The following PCGF5 variants were observed in gnomAD, a reference collection of about 807,000 sequenced individuals.
PCGF5 encodes polycomb group ring finger 5.
PCGF5 carries 9 observed loss-of-function variants against 44.3 expected under a neutral mutation model. That is an observed-to-expected ratio of 0.20 (90% CI 0.12 to 0.35). The LOEUF is 0.35. Among genes scored for constraint, PCGF5 ranks in the 10% least tolerant of loss-of-function variants. The pLI, the probability that PCGF5 is intolerant of heterozygous loss-of-function variation, is 1.00. For synonymous variants in PCGF5, 95 were observed against 102.5 expected, an observed-to-expected ratio of 0.93 and a Z score of 0.44; for missense variants, 146 against 305.3, an observed-to-expected ratio of 0.48 and a Z score of 3.89.
the PCGF5 span, among the ~76,000 whole-genome samples, chr10:91,157,774 G>A: frequency 1.3e-5 from 2 of 152,320 alleles, no homozygotes; most frequent in South Asian, 4.1e-4. Context: ...TAAGAGGATG[G>A]AGCATGGGAT....
At chr10:91,171,841 A>G (rs1300352329) in intron 1 of PCGF5, among the ~76,000 whole-genome samples, 2 of 152,144 alleles carry the variant, frequency 1.3e-5, no homozygotes, top group Non-Finnish European at 2.9e-5. Context: ...CAATGGAGGT[A>G]GAAGATCATT....
chr10:91,162,868 C>A, upstream of PCGF5: 1 of 148,830 alleles, frequency 6.7e-6, no homozygotes, highest in South Asian at 1.8e-4. Flanking sequence ...GCCCCGCGCC[C>A]GCCGCCGCCA....
chr10:91,266,523 A>G (rs866692021), intron 8 of PCGF5, among the ~76,000 whole-genome samples: 2 of 152,334 alleles, frequency 1.3e-5, no homozygotes, highest in African/African-American at 4.8e-5. Flanking sequence ...TTCAGTAGCT[A>G]TGGTTTATCA....
Position 91,282,206 on chromosome 10 carries a change from C to T in PCGF5, c.*3890C>T, listed in dbSNP as rs181181369. 4 of 152,270 alleles carry T rather than the reference C, an allele frequency of 2.6e-5. No homozygotes were observed. Among genetic ancestry groups the T allele is most frequent in the South Asian group, 2.1e-4 (1 of 4,820 alleles). The allele number at this position is 152,270 out of a possible 1,614,324, so 9.4% of individuals were successfully genotyped here. A position where few individuals can be genotyped will look rare whatever the true frequency, so the allele number is the denominator to read the frequency against. On this transcript the variant is annotated 3_prime_UTR_variant, in exon 10 of 10. Coordinates refer to ENST00000336126, the MANE Select transcript of PCGF5 (RefSeq NM_032373.5). ...TTCCCCTTAAAAAGCAACTCTAGGC[C>T]GGGCACAGTGGCTCATGCCTGTAAT... is the stretch of plus-strand genomic sequence containing the variant.
intron 1 of PCGF5, among the ~76,000 whole-genome samples, chr10:91,190,298 G>A (rs142568452): frequency 2.0e-5 from 3 of 152,202 alleles, no homozygotes; most frequent in African/African-American, 7.2e-5. Flanking sequence ...CACCTTGGGG[G>A]TTAAGATTTC....
chr10:91,217,071 T>G (rs1025205557), upstream of PCGF5, among the ~76,000 whole-genome samples: 1 of 152,132 alleles, frequency 6.6e-6, no homozygotes, highest in African/African-American at 2.4e-5. Flanking sequence ...TCTCGCTCTG[T>G]CGCCCAGGAT....
chr10:91,160,625 G>A (rs980860377), upstream of PCGF5, among the ~76,000 whole-genome samples: 11 of 152,038 alleles, frequency 7.2e-5, no homozygotes, highest in Non-Finnish European at 4.4e-5. Context: ...AAGAAGAGGG[G>A]AGAAGAGACT....
At chr10:91,264,685 G>A (rs1161975361) in intron 8 of PCGF5, among the ~76,000 whole-genome samples, 165 bp downstream of exon 8, 1 of 152,114 alleles carries the variant, frequency 6.6e-6, no homozygotes, top group Non-Finnish European at 1.5e-5. Flanking sequence ...TTGGTCCTAT[G>A]TATAAAATCA....
At chr10:91,208,342 A>C (rs896760469) in intron 1 of PCGF5, among the ~76,000 whole-genome samples, 14 of 152,116 alleles carry the variant, frequency 9.2e-5, no homozygotes, top group Non-Finnish European at 2.1e-4. Context: ...GAGTTGGCCT[A>C]ACTGCACTGA....
At chr10:91,227,194 T>G (rs113880477) in intron 2 of PCGF5, 1 of 383,284 alleles carries the variant, frequency 2.6e-6, no homozygotes, top group Non-Finnish European at 5.1e-6. Context: ...AGCAAACTTA[T>G]ATGCCAAGAA....
At chr10:91,178,424 C>G (rs7921841) in intron 1 of PCGF5, among the ~76,000 whole-genome samples, 11,367 of 149,084 alleles carry the variant, frequency 0.076, 983 homozygotes, top group African/African-American at 0.21. Flanking sequence ...GGGTCTTGCT[C>G]TGTTGCCCAG....
rs140178713 is a variant in PCGF5 at position 91,187,306 on chromosome 10, C to A, written c.-184+24225C>A. Reference sequence around the variant, plus strand: ...TCGGTTTGGGAACCACTGTTACAAGCTCTGCACACTTTTGCTGTGATAGAT... The same window carrying A: ...TCGGTTTGGGAACCACTGTTACAAGATCTGCACACTTTTGCTGTGATAGAT... On this transcript the variant is annotated intron_variant, in intron 1 of 9. Transcript: ENST00000614189. 5.5e-3 allele frequency among the ~76,000 whole-genome samples: 840 copies of A among 152,162 alleles called. 6 individuals are homozygous for A. Among genetic ancestry groups the A allele is most frequent in the African/African-American group, 0.019 (771 of 41,522 alleles).
chr10:91,274,503 T>G (rs1846259098), intron 9 of PCGF5, among the ~76,000 whole-genome samples: 2 of 152,142 alleles, frequency 1.3e-5, no homozygotes, highest in Non-Finnish European at 2.9e-5. Context: ...ACCTATTGAG[T>G]ATTATGCATT....
At chr10:91,260,988 A>G (rs187192225) in intron 6 of PCGF5, among the ~76,000 whole-genome samples, 1 of 151,818 alleles carries the variant, frequency 6.6e-6, no homozygotes, top group Non-Finnish European at 1.5e-5. Flanking sequence ...AGCTTAAATA[A>G]TAAAAAATAT....
rs1270425900 is a variant in PCGF5 at position 91,279,459 on chromosome 10, G to A, written c.*1143G>A. On this transcript the variant is annotated 3_prime_UTR_variant, in exon 10 of 10. Transcript: ENST00000336126. ...TTATTTTAAATCCTGTAGTAATTGG[G>A]GAAATGAGAAGATTATTATTTTATA... 2 of 152,020 alleles carry A rather than the reference G, an allele frequency of 1.3e-5. No individual in the cohort carries two copies. Among genetic ancestry groups the A allele is most frequent in the African/African-American group, 2.4e-5 (1 of 41,396 alleles). The allele number at this position is 152,020 out of a possible 1,614,324, so 9.4% of individuals were successfully genotyped here.
At chr10:91,224,957 C>T (rs1844778101) in intron 2 of PCGF5, among the ~76,000 whole-genome samples, 1 of 152,088 alleles carries the variant, frequency 6.6e-6, no homozygotes, top group African/African-American at 2.4e-5. Flanking sequence ...CTTCTTTGAA[C>T]ATTTGTTCAT....
At chr10:91,276,492 C>A (rs1846316885) in intron 9 of PCGF5, among the ~76,000 whole-genome samples, 1 of 152,038 alleles carries the variant, frequency 6.6e-6, no homozygotes, top group African/African-American at 2.4e-5. Flanking sequence ...TTCAGAAAAC[C>A]AAAACACAAA....
At chr10:91,162,361 G>A (rs940609689), upstream of PCGF5, among the ~76,000 whole-genome samples, 2 of 152,020 alleles carry the variant, frequency 1.3e-5, no homozygotes, top group African/African-American at 2.4e-5. Context: ...GCTGGAGGCA[G>A]GAAAAGAAAC....
chr10:91,244,087 AAACCATATAAT>A (rs571560075), intron 3 of PCGF5, among the ~76,000 whole-genome samples: 396 of 152,342 alleles, frequency 2.6e-3, no homozygotes, highest in African/African-American at 8.5e-3. Flanking sequence ...GACAGTCAAT[AAACCATATAAT>A]AAGTAATTTA....
Sources: gnomAD v4.1 joint callset for allele counts (sites outside exome capture counted in the v4.1 genomes callset) on GRCh38, gnomAD v4.1.1 for gene constraint, MANE v1.5 for transcripts, NCBI Gene and HGNC (gene_info 2026-07-23, HGNC 2026-07-21) for gene names.